The following EYA1 variants were observed in gnomAD, a reference collection of about 807,000 sequenced individuals.
EYA1 encodes protein phosphatase EYA1.
In EYA1, 16 loss-of-function variants were observed where a neutral mutation model predicts 82.0. That is an observed-to-expected ratio of 0.20 (90% CI 0.13 to 0.30). EYA1 has a LOEUF of 0.30. Among genes scored for constraint, EYA1 ranks in the 10% least tolerant of loss-of-function variants. EYA1 has a pLI of 1.00. For missense variants in EYA1, 633 were observed against 730.7 expected, an observed-to-expected ratio of 0.87 and a Z score of 1.54; for synonymous variants, 261 against 264.4, an observed-to-expected ratio of 0.99 and a Z score of 0.12.
Position 71,236,423 on chromosome 8 carries a change from A to G in EYA1, c.1140+8180T>C, listed in dbSNP as rs372430132. 5.3e-5 allele frequency among the ~76,000 whole-genome samples: 8 copies of G among 152,314 alleles called. No homozygotes were observed. The East Asian group carries it at 1.5e-3, about 29-fold the overall frequency. On this transcript the variant is annotated intron_variant, in intron 12 of 17. Coordinates refer to ENST00000340726, the MANE Select transcript of EYA1 (RefSeq NM_000503.6). ...ATTGTATCTTAGAGCTAATTTTTAA[A>G]ACTTGAAATCGACCATGAATACCTT... is the stretch of plus-strand genomic sequence containing the variant.
intron 2 of EYA1, among the ~76,000 whole-genome samples, chr8:71,525,139 C>A (rs1235011080): frequency 6.6e-6 from 1 of 152,182 alleles, no homozygotes; most frequent in African/African-American, 2.4e-5. Flanking sequence ...GATTTGCACA[C>A]ACTTGGGCAG....
At chr8:71,419,645 T>C (rs1303856341) in intron 2 of EYA1, among the ~76,000 whole-genome samples, 5 of 152,182 alleles carry the variant, frequency 3.3e-5, no homozygotes, top group Non-Finnish European at 7.4e-5. Flanking sequence ...CACTATTCTT[T>C]CTATTTTTTA....
rs1814664059 is a variant in EYA1 at position 71,535,758 on chromosome 8, T to TC, written c.18dup (p.Ile7AspfsTer34). The TC allele has an allele frequency of 1.3e-6, 2 of 1,522,108 alleles. No homozygotes were observed. The highest frequency in any genetic ancestry group is 1.8e-6 in the Non-Finnish European group (2 of 1,140,022). The allele number at this position is 1,522,108 out of a possible 1,614,324, so 94.3% of individuals were successfully genotyped here. ...TGTTTACTTACAGACTGTCCATTTA[T>TC]CCCCCGGGGGTCTTCCATTGAAGAC... On this transcript the variant is annotated frameshift_variant, in exon 2 of 19. Coordinates refer to the EYA1 transcript ENST00000643681. LOFTEE classifies it high-confidence loss of function.
intron 4 of EYA1, among the ~76,000 whole-genome samples, chr8:71,326,302 C>T (rs1027711348): frequency 5.9e-5 from 9 of 152,182 alleles, no homozygotes; most frequent in Admixed American, 5.2e-4. Flanking sequence ...AGGTCAAAAG[C>T]CTAGAAGTAA....
At chr8:71,354,274 T>G (rs1826618291) in intron 3 of EYA1, among the ~76,000 whole-genome samples, 1 of 152,244 alleles carries the variant, frequency 6.6e-6, no homozygotes, top group African/African-American at 2.4e-5. Flanking sequence ...TTTTTAAAAA[T>G]TATTTATATT....
chr8:71,425,092 C>T (rs1423880982), intron 2 of EYA1, among the ~76,000 whole-genome samples: 3 of 119,286 alleles, frequency 2.5e-5, no homozygotes, highest in African/African-American at 9.9e-5. Flanking sequence ...AACCCTGTCT[C>T]CACTAAAAAT....
chr8:71,450,354 A>G (rs1001089778), intron 2 of EYA1, among the ~76,000 whole-genome samples: 1 of 152,198 alleles, frequency 6.6e-6, no homozygotes, highest in African/African-American at 2.4e-5. Flanking sequence ...TAGGGTTATT[A>G]ACAGACCTAA....
rs1199654912 is a variant in EYA1 at position 71,407,101 on chromosome 8, C to A, written c.34-50590G>T. ...GAGCAGCCTAACTGGGAGGCACCCC[C>A]CAGCAGGGGCACACTGACACCTCAC... On this transcript the variant is annotated intron_variant, in intron 2 of 18. Transcript: ENST00000643681. 5.1e-5 allele frequency among the ~76,000 whole-genome samples: 6 copies of A among 118,438 alleles called. 1 individual carries two copies. The highest frequency in any genetic ancestry group is 1.5e-4 in the African/African-American group (5 of 33,258). The allele number at this position is 118,438 out of a possible 152,430, so 77.7% of individuals were successfully genotyped here.
chr8:71,335,276 T>C (rs372152512), intron 3 of EYA1, among the ~76,000 whole-genome samples: 1 of 152,180 alleles, frequency 6.6e-6, no homozygotes, highest in African/African-American at 2.4e-5. Flanking sequence ...GAAAAGATGA[T>C]GGAGAAAATG....
At chr8:71,510,293 A>T (rs1812499020) in intron 2 of EYA1, among the ~76,000 whole-genome samples, 1 of 152,200 alleles carries the variant, frequency 6.6e-6, no homozygotes, top group South Asian at 2.1e-4. Context: ...AGCTGAACCC[A>T]GCCCTAAAGC....
chr8:71,438,041 T>C (rs1252767053), intron 2 of EYA1, among the ~76,000 whole-genome samples: 1 of 151,848 alleles, frequency 6.6e-6, no homozygotes, highest in Non-Finnish European at 1.5e-5. Flanking sequence ...GCATGAAGAG[T>C]TCCAGAAACC....
At chr8:71,510,068 T>A (rs1196960706) in intron 2 of EYA1, among the ~76,000 whole-genome samples, 1 of 151,324 alleles carries the variant, frequency 6.6e-6, no homozygotes, top group Non-Finnish European at 1.5e-5. Flanking sequence ...TAAAATATAG[T>A]AGTATTTTAT....
chr8:71,515,101 T>TA (rs36021566), intron 2 of EYA1, among the ~76,000 whole-genome samples: 23 of 151,896 alleles, frequency 1.5e-4, no homozygotes, highest in Middle Eastern at 3.4e-3. Flanking sequence ...TAGTGTATGG[T>TA]AAAAAAAAGC....
chr8:71,244,868 G>A (rs1159294314), intron 11 of EYA1, among the ~76,000 whole-genome samples, 176 bp from the exon 12 acceptor site: 1 of 151,930 alleles, frequency 6.6e-6, no homozygotes, highest in Non-Finnish European at 1.5e-5. Flanking sequence ...CAAACTTCAG[G>A]GACTTATTTT....
At chr8:71,290,729 A>G (rs540298513) in intron 9 of EYA1, among the ~76,000 whole-genome samples, 10 of 152,154 alleles carry the variant, frequency 6.6e-5, no homozygotes, top group Admixed American at 2.0e-4. Context: ...CGTTTCTCAC[A>G]GTATAAAACA....
chr8:71,442,550 A>C (rs1187534254), intron 2 of EYA1, among the ~76,000 whole-genome samples: 2 of 152,238 alleles, frequency 1.3e-5, no homozygotes, highest in South Asian at 4.1e-4. Flanking sequence ...ATTAACAGAC[A>C]GTTGTATTGA....
At chr8:71,285,083 T>G (rs1178799775) in intron 9 of EYA1, among the ~76,000 whole-genome samples, 2 of 152,260 alleles carry the variant, frequency 1.3e-5, no homozygotes, top group African/African-American at 2.4e-5. Flanking sequence ...TAAGAGATGC[T>G]CAATGGCTGG....
intron 3 of EYA1, among the ~76,000 whole-genome samples, chr8:71,346,037 C>T (rs901916546): frequency 4.0e-5 from 6 of 151,854 alleles, no homozygotes; most frequent in Non-Finnish European, 8.8e-5. Flanking sequence ...CACACACACT[C>T]ACTCTTCTGC....
intron 2 of EYA1, among the ~76,000 whole-genome samples, chr8:71,478,862 T>C (rs752402512): frequency 2.6e-5 from 4 of 152,184 alleles, no homozygotes; most frequent in African/African-American, 4.8e-5. Flanking sequence ...CATGAGTGTG[T>C]TGCCATTTTT....
Sources: allele counts gnomAD v4.1 joint callset (sites outside exome capture counted in the v4.1 genomes callset), GRCh38; gene constraint gnomAD v4.1.1; transcripts MANE v1.5; gene names NCBI Gene and HGNC (gene_info 2026-07-23, HGNC 2026-07-21).